The following SEZ6L variants were observed in gnomAD, a reference collection of about 807,000 sequenced individuals.
SEZ6L encodes the protein seizure 6-like protein.
In SEZ6L, 37 loss-of-function variants were observed where a neutral mutation model predicts 106.2. The observed-to-expected ratio is 0.35, with a 90% CI of 0.27 to 0.46. The LOEUF (loss-of-function observed/expected upper bound fraction) is 0.46. Ranked by LOEUF, SEZ6L falls within the 20% of genes least tolerant of loss-of-function variation. SEZ6L has a pLI of 1.00. For missense variants in SEZ6L, 1,172 were observed against 1,332.8 expected (o/e 0.88, Z 1.88); for synonymous variants, 541 against 570.4 (o/e 0.95, Z 0.73).
rs2145732801 is a variant in SEZ6L, at chr22:26,225,420, A to G, written c.94+55657A>G. ...CACTCAGTCTGTCAGAAGCTATTAG[A>G]CTCGGATTGGCTGATTTTGAGAAAG... On this transcript the variant is annotated intron_variant, in intron 1 of 16. Transcript: ENST00000248933. Among the ~76,000 whole-genome samples, 3 of 152,110 alleles carry G rather than the reference A, an allele frequency of 2.0e-5. No individual in the cohort carries two copies. In the Middle Eastern group the frequency reaches 0.01, roughly 517 times the overall value.
chr22:26,224,990 C>T lies in SEZ6L; in HGVS notation c.94+55227C>T, dbSNP rs138430169. 4.3e-4 allele frequency among the ~76,000 whole-genome samples: 66 copies of T among 152,236 alleles called. 2 individuals carry two copies. The East Asian group carries it at 0.011, about 26-fold the overall frequency. On this transcript the variant is annotated intron_variant, in intron 1 of 16. Coordinates refer to ENST00000248933, the MANE Select transcript of SEZ6L (RefSeq NM_021115.5). Reference sequence around the variant, plus strand: ...TACAAAAAAAAAGCCCTACAATTAACATGTTTCACTTTGGGGCCTAAAACA... The same window carrying T: ...TACAAAAAAAAAGCCCTACAATTAATATGTTTCACTTTGGGGCCTAAAACA...
At chr22:26,313,615 C>A (rs2081911076) in intron 8 of SEZ6L, 149 bp from the exon 9 acceptor site, 2 of 723,136 alleles carry the variant, frequency 2.8e-6, no homozygotes, top group African/African-American at 3.6e-5. Flanking sequence ...CACACACACA[C>A]ACGTGCTGGC....
Position 26,382,729 on chromosome 22 carries a change from C to T in SEZ6L, c.*2434C>T, listed in dbSNP as rs1002739019. ...AATATCTGAATGTGTATTTGTAATA[C>T]GTAAAGGTAAAAAAAAATAGTGCCA... On this transcript the variant is annotated 3_prime_UTR_variant, in exon 17 of 17. Transcript: ENST00000248933. The T allele has an allele frequency of 3.4e-5, 5 of 149,096 alleles. No homozygotes were observed. Among genetic ancestry groups the T allele is most frequent in the Non-Finnish European group, 4.5e-5 (3 of 67,134 alleles). The allele number at this position is 149,096 out of a possible 1,614,324, so 9.2% of individuals were successfully genotyped here. A position where few individuals can be genotyped will look rare whatever the true frequency, so the allele number is the denominator to read the frequency against.
chr22:26,374,903 A>G (rs2084166892), intron 14 of SEZ6L, among the ~76,000 whole-genome samples: 1 of 152,184 alleles, frequency 6.6e-6, no homozygotes, highest in Non-Finnish European at 1.5e-5. Flanking sequence ...GCCTCTGGGA[A>G]TCAAAACGGG....
intron 1 of SEZ6L, among the ~76,000 whole-genome samples, chr22:26,266,493 A>G (rs1032139378): frequency 4.0e-5 from 6 of 151,782 alleles, no homozygotes; most frequent in Non-Finnish European, 8.8e-5. Context: ...GAATGGCGTG[A>G]ACCCGGGAGA....
At chr22:26,265,507 A>C (rs1208891624) in intron 1 of SEZ6L, among the ~76,000 whole-genome samples, 2 of 152,194 alleles carry the variant, frequency 1.3e-5, no homozygotes, top group Admixed American at 6.5e-5. Flanking sequence ...CATATTCCCC[A>C]AAAAGAGAAG....
chr22:26,323,326 A>G (rs1286402171), intron 9 of SEZ6L, among the ~76,000 whole-genome samples: 5 of 152,230 alleles, frequency 3.3e-5, no homozygotes, highest in Non-Finnish European at 7.3e-5. Flanking sequence ...CTTGATAAAT[A>G]TCTGTTGAAT....
chr22:26,379,829 G>A (rs1326087300), intron 16 of SEZ6L, among the ~76,000 whole-genome samples: 3 of 152,244 alleles, frequency 2.0e-5, no homozygotes, highest in African/African-American at 7.2e-5. Context: ...TAGTAATGCT[G>A]AGTAACAAAG....
chr22:26,327,432 A>G (rs1425383698), intron 9 of SEZ6L, among the ~76,000 whole-genome samples: 1 of 137,150 alleles, frequency 7.3e-6, no homozygotes, highest in East Asian at 2.1e-4. Context: ...CGCACAAACC[A>G]CACATATGAC....
intron 6 of SEZ6L, among the ~76,000 whole-genome samples, chr22:26,308,132 A>C (rs994800471): frequency 2.0e-5 from 3 of 152,210 alleles, no homozygotes; most frequent in Non-Finnish European, 4.4e-5. Context: ...ATTGAGGGGG[A>C]AATGGCTAAA....
intron 1 of SEZ6L, among the ~76,000 whole-genome samples, chr22:26,207,827 C>T (rs1486068706): frequency 6.6e-6 from 1 of 152,060 alleles, no homozygotes; most frequent in Non-Finnish European, 1.5e-5. Context: ...ATCCTTTATG[C>T]TGTGGTCGCT....
At chr22:26,273,969 A>G (rs1486187934) in intron 1 of SEZ6L, among the ~76,000 whole-genome samples, 1 of 152,170 alleles carries the variant, frequency 6.6e-6, no homozygotes, top group African/African-American at 2.4e-5. Flanking sequence ...ATAAGCAGAC[A>G]CTATTTCTCC....
chr22:26,325,577 C>T (rs933847744), intron 9 of SEZ6L, among the ~76,000 whole-genome samples: 2 of 152,168 alleles, frequency 1.3e-5, no homozygotes, highest in Non-Finnish European at 2.9e-5. Context: ...ATGTGGGAGA[C>T]ACTCTGGAAA....
chr22:26,295,632 T>C (rs1416346560), intron 3 of SEZ6L, among the ~76,000 whole-genome samples: 1 of 152,194 alleles, frequency 6.6e-6, no homozygotes, highest in Non-Finnish European at 1.5e-5. Context: ...AAGAACCCTT[T>C]CCTCCATGTC....
chr22:26,345,586 C>G (rs941163315), intron 10 of SEZ6L, among the ~76,000 whole-genome samples: 23 of 152,148 alleles, frequency 1.5e-4, no homozygotes, highest in African/African-American at 5.3e-4. Context: ...TCCTGTCCCC[C>G]CACCAAGCAA....
At chr22:26,279,791 G>T (rs2080699541) in intron 1 of SEZ6L, among the ~76,000 whole-genome samples, 1 of 152,138 alleles carries the variant, frequency 6.6e-6, no homozygotes, top group Non-Finnish European at 1.5e-5. Context: ...CCCTGGAGAG[G>T]TAGAATACAA....
intron 4 of SEZ6L, among the ~76,000 whole-genome samples, chr22:26,297,362 T>TA (rs1391319731): frequency 6.6e-6 from 1 of 152,236 alleles, no homozygotes; most frequent in Non-Finnish European, 1.5e-5. Context: ...TAGTAGTTCT[T>TA]ATAATTGCTG....
chr22:26,310,180 T>C (rs13054857), intron 6 of SEZ6L, among the ~76,000 whole-genome samples: 1 of 152,252 alleles, frequency 6.6e-6, no homozygotes, highest in Non-Finnish European at 1.5e-5. Context: ...GACAGGCATT[T>C]AGTCCCATTG....
At chr22:26,242,039 G>T (rs1046120623) in intron 1 of SEZ6L, among the ~76,000 whole-genome samples, 1 of 152,232 alleles carries the variant, frequency 6.6e-6, no homozygotes, top group Admixed American at 6.5e-5. Flanking sequence ...GGATGCAGAT[G>T]CCGCTACAGG....
Sources: gnomAD v4.1 joint callset for allele counts (sites outside exome capture counted in the v4.1 genomes callset) on GRCh38, gnomAD v4.1.1 for gene constraint, MANE v1.5 for transcripts, NCBI Gene and HGNC (gene_info 2026-07-23, HGNC 2026-07-21) for gene names.